Variants in CCDC144A observed in about 807,000 individuals in gnomAD.
CCDC144A encodes the protein coiled-coil domain containing 144A.
In CCDC144A, 41 loss-of-function variants were observed where a neutral mutation model predicts 143.8. The observed-to-expected ratio is 0.29, with a 90% CI of 0.22 to 0.37. The LOEUF (loss-of-function observed/expected upper bound fraction) is 0.37. Ranked by LOEUF, CCDC144A falls within the 10% of genes least tolerant of loss-of-function variation. The pLI, the probability that CCDC144A is intolerant of heterozygous loss-of-function variation, is 1.00. For missense variants in CCDC144A, 637 were observed against 1,488.8 expected (o/e 0.43, Z 9.41); for synonymous variants, 242 against 517.9 (o/e 0.47, Z 7.23).
intron 12 of CCDC144A, among the ~76,000 whole-genome samples, chr17:16,759,370 A>G (rs1467162312): frequency 1.3e-5 from 2 of 152,182 alleles, no homozygotes; most frequent in Non-Finnish European, 2.9e-5. Flanking sequence ...TATCATTTTC[A>G]CAGTATTATA....
At chr17:16,677,377 T>C in the CCDC144A span, among the ~76,000 whole-genome samples, 1 of 152,092 alleles carries the variant, frequency 6.6e-6, no homozygotes, top group East Asian at 1.9e-4. Context: ...GACCAGCAAA[T>C]ACTTATAGAA....
chr17:16,754,456 C>T (rs1252662972), intron 12 of CCDC144A, among the ~76,000 whole-genome samples: 1 of 152,180 alleles, frequency 6.6e-6, no homozygotes, highest in Non-Finnish European at 1.5e-5. Flanking sequence ...TTTTTTTCCC[C>T]ATTTTCATTT....
At chr17:16,756,505 C>T (rs1160401010) in intron 12 of CCDC144A, among the ~76,000 whole-genome samples, 2 of 149,164 alleles carry the variant, frequency 1.3e-5, no homozygotes, top group Non-Finnish European at 2.9e-5. Context: ...TTATTCAGAT[C>T]ATAAATTGTT....
rs1168273083 is a variant in CCDC144A, at chr17:16,693,726, A to C, written c.415+677A>C. ...TTCTATTTAATTTTTAAAATAAATGACTTATGTTTAGTAAATGAATATCAA... is the reference window on the plus strand; with the variant it reads ...TTCTATTTAATTTTTAAAATAAATGCCTTATGTTTAGTAAATGAATATCAA... On this transcript the variant is annotated intron_variant, in intron 2 of 16. Transcript: ENST00000399273. Among the ~76,000 whole-genome samples, 43 of 152,008 alleles carry C rather than the reference A, an allele frequency of 2.8e-4. 3 individuals carry two copies. The East Asian group carries it at 8.3e-3, about 29-fold the overall frequency.
At chr17:16,668,493 A>G in the CCDC144A span, among the ~76,000 whole-genome samples, 1 of 152,330 alleles carries the variant, frequency 6.6e-6, no homozygotes, top group East Asian at 1.9e-4. Context: ...TATTGTGTAG[A>G]GATTTTATAC....
intron 12 of CCDC144A, among the ~76,000 whole-genome samples, chr17:16,747,624 C>T (rs1449616854): frequency 6.6e-6 from 1 of 152,140 alleles, no homozygotes; most frequent in African/African-American, 2.4e-5. Context: ...TTGTAGTTCT[C>T]CTTGTAACCA....
the CCDC144A span, among the ~76,000 whole-genome samples, chr17:16,683,063 G>A: frequency 6.6e-6 from 1 of 151,566 alleles, no homozygotes; most frequent in African/African-American, 2.4e-5. Flanking sequence ...AGGTTACCAG[G>A]GGTGGAAGGC....
intron 12 of CCDC144A, chr17:16,737,412 C>T (rs1322211834): frequency 5.9e-6 from 6 of 1,023,782 alleles, no homozygotes; most frequent in Admixed American, 6.9e-5. Context: ...GTGATCCGCC[C>T]GCCTCGGCCT....
intron 6 of CCDC144A, among the ~76,000 whole-genome samples, chr17:16,713,796 A>G (rs1249362873): frequency 6.6e-6 from 1 of 152,236 alleles, no homozygotes; most frequent in Non-Finnish European, 1.5e-5. Flanking sequence ...TTATATAAGA[A>G]TTGAAAAATA....
At chr17:16,685,371 T>C (rs192327533), upstream of CCDC144A, among the ~76,000 whole-genome samples, 1 of 151,850 alleles carries the variant, frequency 6.6e-6, no homozygotes, top group East Asian at 1.9e-4. Context: ...ACGCCGTTTT[T>C]TGTTGTTGTT....
At chr17:16,764,308 G>C in intron 15 of CCDC144A, 133 bp downstream of exon 15, 1 of 1,474,472 alleles carries the variant, frequency 6.8e-7, no homozygotes, top group South Asian at 1.4e-5. Context: ...AAAGAGAGGA[G>C]ACAGAAATTT....
intron 1 of CCDC144A, 55 bp downstream of exon 1, chr17:16,690,799 C>T: frequency 2.6e-6 from 4 of 1,526,600 alleles, no homozygotes; most frequent in South Asian, 1.3e-5. Flanking sequence ...CTTTCTGGTG[C>T]CCGCAGGCCC....
intron 12 of CCDC144A, among the ~76,000 whole-genome samples, chr17:16,753,440 T>TGTTGTTGTTG (rs1567606569): frequency 7.5e-6 from 1 of 133,832 alleles, no homozygotes; most frequent in African/African-American, 3.5e-5. Context: ...TTTTTTTTTT[T>TGTTGTTGTTG]TTTTTTTTTT....
In CCDC144A at chr17:16,708,992, C is replaced by T. The variant is rs745319880; in HGVS notation, c.935C>T (p.Pro312Leu). The T allele has an allele frequency of 1.6e-5, 26 of 1,611,448 alleles. No individual in the cohort carries two copies. The highest frequency in any genetic ancestry group is 5.5e-5 in the South Asian group (5 of 90,968). ...GAAATTTATGAAAAATACAAAATTC[C>T]GGCTTGTCCTGAGGAAGAGCCACTA... Reference protein sequence around the residue: ...FGEIYEKYKIPACPEEEPLLD... With the variant: ...FGEIYEKYKILACPEEEPLLD... The change falls in exon 5 of 17, where the codon CCG becomes CTG. Residue 312 changes from proline to leucine, a missense_variant. Physicochemically the swap from Pro to Leu is moderately conservative, Grantham distance 98. Coordinates refer to ENST00000399273, the MANE Select transcript of CCDC144A (RefSeq NM_001382000.1).
chr17:16,675,540 TA>T, the CCDC144A span, among the ~76,000 whole-genome samples: 13 of 143,956 alleles, frequency 9.0e-5, no homozygotes, highest in East Asian at 2.0e-4. Flanking sequence ...GAAAACAAAA[TA>T]AAAAAAAAAG....
rs1473110921 is a variant in CCDC144A at position 16,777,653 on chromosome 17, C to A, written c.*4020C>A. ...ATATCAAGAGGGAAATTTAAAAATT[C>A]TTTGAACTGAACGATAATAGTGACA... On this transcript the variant is annotated 3_prime_UTR_variant, in exon 17 of 17. Transcript: ENST00000399273. The A allele has an allele frequency of 7.3e-6, 1 of 136,784 alleles. No individual in the cohort carries two copies. The highest frequency in any genetic ancestry group is 3.1e-5 in the African/African-American group (1 of 32,686). 8.5% of individuals were successfully genotyped at this position (136,784 alleles called of 1,614,324 possible). A position where few individuals can be genotyped will look rare whatever the true frequency, so the allele number is the denominator to read the frequency against.
rs774624072 is a variant in CCDC144A at position 16,761,585 on chromosome 17, T to C, written c.3533T>C (p.Val1178Ala). The C allele has an allele frequency of 6.2e-7, 1 of 1,612,402 alleles. No individual in the cohort carries two copies. The part of the protein sequence containing the change: ...QKNKKQLKQE[V>A]VNLKSYMERN... ...AATAAGAAGCAGCTGAAACAAGAAG[T>C]AGTAAACCTCAAAAGTTATATGGAA... Residue 1178 changes from valine (V) to alanine (A), a missense_variant, in exon 13 of 17, where the codon GTA becomes GCA. Transcript: ENST00000399273.
chr17:16,693,730 A>G (rs1911235720), intron 2 of CCDC144A, among the ~76,000 whole-genome samples: 1 of 151,808 alleles, frequency 6.6e-6, no homozygotes, highest in Non-Finnish European at 1.5e-5. Context: ...TAAATGACTT[A>G]TGTTTAGTAA....
In CCDC144A at chr17:16,711,989, A is replaced by G. The variant is rs1046117467; in HGVS notation, c.1715+174A>G. The stretch of plus-strand genomic sequence containing the variant: ...CTACTAAAAATACAAAATTAGCCAG[A>G]TGTAGTGGTGCATGCCTGTAATCCC... On this transcript the variant is annotated intron_variant, in intron 6 of 16. Transcript: ENST00000399273. The G allele has an allele frequency of 7.4e-4, 683 of 924,694 alleles. 8 individuals carry two copies. The African/African-American group carries it at 0.011, about 14-fold the overall frequency. 57.3% of individuals were successfully genotyped at this position (924,694 alleles called of 1,614,324 possible).
Sources: gnomAD v4.1 joint callset for allele counts (sites outside exome capture counted in the v4.1 genomes callset) on GRCh38, gnomAD v4.1.1 for gene constraint, MANE v1.5 for transcripts, NCBI Gene and HGNC (gene_info 2026-07-23, HGNC 2026-07-21) for gene names.